GC: variants seen among roughly 807,000 people sequenced by gnomAD.
The protein encoded by GC is GC vitamin D binding protein, also known as vitamin D-binding protein.
A neutral mutation model predicts 56.7 loss-of-function variants in GC; 43 were observed. That is an observed-to-expected ratio of 0.76 (90% CI 0.59 to 0.98). The LOEUF (loss-of-function observed/expected upper bound fraction) is 0.98. GC is among the 50% of genes least tolerant of loss of function. The pLI is 0.00. For missense variants in GC, 529 were observed against 545.9 expected (o/e 0.97, Z 0.31); for synonymous variants, 216 against 202.7 (o/e 1.07, Z -0.56).
intron 1 of GC, among the ~76,000 whole-genome samples, chr4:71,789,266 C>A (rs1006543158): frequency 6.6e-6 from 1 of 151,776 alleles, no homozygotes; most frequent in Non-Finnish European, 1.5e-5. Context: ...CCCAAATGTA[C>A]ATATATACAT....
intron 1 of GC, among the ~76,000 whole-genome samples, chr4:71,780,623 A>C (rs1171344051): frequency 2.0e-5 from 3 of 152,190 alleles, no homozygotes; most frequent in Non-Finnish European, 4.4e-5. Flanking sequence ...GCCAAAAAAC[A>C]CATGAAAAAA....
At chr4:71,761,467 A>G (rs1219640500) in intron 6 of GC, among the ~76,000 whole-genome samples, 1 of 152,220 alleles carries the variant, frequency 6.6e-6, no homozygotes, top group Non-Finnish European at 1.5e-5. Flanking sequence ...AGAGAAAAGA[A>G]AAGCCCTTTT....
chr4:71,800,922 A>G (rs1743232155), intron 1 of GC, among the ~76,000 whole-genome samples: 1 of 152,228 alleles, frequency 6.6e-6, no homozygotes, highest in South Asian at 2.1e-4. Flanking sequence ...CATGACCTCA[A>G]ATTTGGCAAT....
At chr4:71,751,168 A>T (rs963571618) in intron 11 of GC, among the ~76,000 whole-genome samples, 1 of 152,222 alleles carries the variant, frequency 6.6e-6, no homozygotes, top group African/African-American at 2.4e-5. Context: ...ATGTGAACGT[A>T]TGGGCTGACA....
chr4:71,782,061 A>G (rs1288773922), intron 1 of GC, among the ~76,000 whole-genome samples: 1 of 151,844 alleles, frequency 6.6e-6, no homozygotes, highest in African/African-American at 2.4e-5. Context: ...GAAACCACCA[A>G]GAAGGAATAA....
At chr4:71,767,313 C>A (rs1458119606) in intron 3 of GC, among the ~76,000 whole-genome samples, 4 of 152,052 alleles carry the variant, frequency 2.6e-5, no homozygotes, top group Non-Finnish European at 5.9e-5. Flanking sequence ...TTGCATCAGG[C>A]CTGACGACTG....
At chr4:71,765,721 T>C in intron 3 of GC, 78 bp from the exon 4 acceptor site, 1 of 859,066 alleles carries the variant, frequency 1.2e-6, no homozygotes, top group Non-Finnish European at 1.9e-6. Flanking sequence ...ATATAATATC[T>C]TAGCCTATAA....
At position 71,784,003 on chromosome 4, in the gene GC, C is replaced by G; in HGVS notation, c.16G>C (p.Val6Leu). ...CCAAATGCCACAGCAAGCAGTAGTA[C>G]CAGGACCCTCTTCATTTTTCTACCA... is the stretch of plus-strand genomic sequence containing the variant. MKRVL[V>L]LLLAVAFGHA... The change falls in exon 1 of 13, where the codon GTA becomes CTA. Residue 6 changes from valine (V) to leucine (L), a missense_variant. Physicochemically the swap from Val to Leu is conservative, Grantham distance 32. Transcript: ENST00000273951. 1 of 1,603,728 alleles carries G rather than the reference C, an allele frequency of 6.2e-7. No individual in the cohort carries two copies. Among genetic ancestry groups the G allele is most frequent in the Middle Eastern group, 1.7e-4 (1 of 6,018 alleles).
intron 12 of GC, among the ~76,000 whole-genome samples, chr4:71,744,927 G>A (rs1741312256): frequency 1.3e-5 from 2 of 152,080 alleles, no homozygotes. Context: ...TTTATTCCTT[G>A]GAAAATTATT....
At chr4:71,756,173 G>A (rs915623036) in intron 8 of GC, among the ~76,000 whole-genome samples, 1 of 152,042 alleles carries the variant, frequency 6.6e-6, no homozygotes, top group African/African-American at 2.4e-5. Context: ...CAAAAGTTTA[G>A]TATACTTTAG....
intron 12 of GC, 44 bp downstream of exon 12, chr4:71,746,107 A>G (rs1741353835): frequency 1.3e-6 from 1 of 767,304 alleles, no homozygotes; most frequent in Non-Finnish European, 2.4e-6. Context: ...AATACATCCT[A>G]CAATGCTGGA....
intron 11 of GC, among the ~76,000 whole-genome samples, chr4:71,751,536 A>G (rs561526973): frequency 2.0e-5 from 3 of 152,336 alleles, no homozygotes; most frequent in Admixed American, 2.0e-4. Flanking sequence ...TAAAAAATAA[A>G]TGATCTGGCA....
intron 1 of GC, among the ~76,000 whole-genome samples, chr4:71,779,853 C>T (rs544946147): frequency 3.3e-5 from 5 of 151,862 alleles, no homozygotes; most frequent in African/African-American, 1.2e-4. Flanking sequence ...TTGCGTAGGG[C>T]TGTTTTGACA....
At chr4:71,783,797 A>G (rs562031308) in intron 1 of GC, among the ~76,000 whole-genome samples, 164 bp downstream of exon 1, 55 of 151,772 alleles carry the variant, frequency 3.6e-4, no homozygotes, top group African/African-American at 1.1e-3. Flanking sequence ...TCAACATTAC[A>G]TGGCATCGTG....
upstream of GC, among the ~76,000 whole-genome samples, chr4:71,787,082 T>C (rs1464447801): frequency 6.6e-6 from 1 of 151,924 alleles, no homozygotes; most frequent in Non-Finnish European, 1.5e-5. Flanking sequence ...AATAAATCTC[T>C]TTTTACTTAA....
chr4:71,746,342 A>C (rs1741363603), intron 11 of GC, 137 bp from the exon 12 acceptor site: 2 of 530,728 alleles, frequency 3.8e-6, no homozygotes, highest in Non-Finnish European at 3.5e-6. Flanking sequence ...GTTACATTGC[A>C]GTTTTTTATT....
At chr4:71,755,929 G>T (rs1252704292) in intron 8 of GC, among the ~76,000 whole-genome samples, 4 of 152,130 alleles carry the variant, frequency 2.6e-5, no homozygotes, top group African/African-American at 9.7e-5. Flanking sequence ...ATTTCAACCT[G>T]CTGCTTCAAA....
intron 3 of GC, 31 bp from the exon 4 acceptor site, chr4:71,765,674 A>G (rs1326457762): frequency 7.6e-7 from 1 of 1,323,678 alleles, no homozygotes; most frequent in East Asian, 2.3e-5. Context: ...AAACTCATAT[A>G]TATATGTAAA....
rs201967659 is a variant in GC at position 71,765,477 on chromosome 4, T to C, written c.428A>G (p.Glu143Gly). Residue 143 changes from glutamate (E) to glycine (G), a missense_variant, in exon 4 of 13, where the codon GAA becomes GGA. Glu to Gly is a moderately conservative substitution (Grantham distance 98). Transcript: ENST00000273951. ...ATCTTTCCTGAACGCCTCACAGATT[T>C]CATCATTTGTGGGTTCCACGTAGGT... ...FPTYVEPTND[E>G]ICEAFRKDPK... The C allele has an allele frequency of 8.1e-6, 13 of 1,613,872 alleles. No homozygotes were observed. The Admixed American group carries it at 1.5e-4, about 19-fold the overall frequency.
Sources: gnomAD v4.1 joint callset for allele counts (sites outside exome capture counted in the v4.1 genomes callset) on GRCh38, gnomAD v4.1.1 for gene constraint, MANE v1.5 for transcripts, NCBI Gene and HGNC (gene_info 2026-07-23, HGNC 2026-07-21) for gene names.